Variants in SLC22A31 observed in about 807,000 individuals in gnomAD.
SLC22A31 encodes solute carrier family 22 member 31.
SLC22A31 carries 42 observed loss-of-function variants against 27.4 expected under a neutral mutation model. That is an observed-to-expected ratio of 1.53 (90% confidence interval 1.20 to 1.98). The LOEUF (loss-of-function observed/expected upper bound fraction) is 1.98. Among genes scored for constraint, SLC22A31 ranks in the 30% most tolerant of loss-of-function variants. SLC22A31 has a pLI of 0.00. For synonymous variants in SLC22A31, 290 were observed against 230.8 expected, an observed-to-expected ratio of 1.26 and a Z score of -2.33; for missense variants, 593 against 479.9, an observed-to-expected ratio of 1.24 and a Z score of -2.20.
In SLC22A31 at chr16:89,198,336, C is replaced by G; in HGVS notation, c.708G>C (p.Ser236=). The G allele has an allele frequency of 6.5e-7, 1 of 1,535,854 alleles. No homozygotes were observed. Among genetic ancestry groups the G allele is most frequent in the Non-Finnish European group, 8.7e-7 (1 of 1,146,856 alleles). Residue 236 remains serine, a splice_region_variant and synonymous_variant, in exon 7 of 9, where the codon TCG becomes TCC. Transcript: ENST00000682282. ...TAGCTCTGATGCCTCCACCAACCAG[C>G]CTGGGAGAGAGAGCAAATCTATGGG... ...WRNGLILGFS[S]LVGGGIRASF...
At position 89,198,316 on chromosome 16, in the gene SLC22A31, C is replaced by A; in HGVS notation, c.728G>T (p.Arg243Ile). 1 of 1,535,900 alleles carries A rather than the reference C, an allele frequency of 6.5e-7. No individual in the cohort carries two copies. The highest frequency in any genetic ancestry group is 8.7e-7 in the Non-Finnish European group (1 of 1,146,868). Residue 243 changes from arginine to isoleucine, a missense_variant, in exon 7 of 9, where the codon AGA (arginine) becomes ATA (isoleucine). Physicochemically the swap from Arg to Ile is moderately conservative, Grantham distance 97. Coordinates refer to ENST00000682282, the MANE Select transcript of SLC22A31 (RefSeq NM_001384763.1). ...GFSSLVGGGI[R>I]ASFRRSLAPQ... ...TGCCAGGCTGCGGCGGAAGCTAGCT[C>A]TGATGCCTCCACCAACCAGCCTGGG...
At position 89,196,082 on chromosome 16, in the gene SLC22A31, G is replaced by A. The variant is rs746123571; in HGVS notation, c.1258C>T (p.Arg420Trp). Residue 420 changes from arginine (R) to tryptophan (W), a missense_variant, in exon 9 of 9, where the codon CGG becomes TGG. Arg to Trp is a moderately radical substitution (Grantham distance 101, BLOSUM62 -3). Coordinates refer to ENST00000682282, the MANE Select transcript of SLC22A31 (RefSeq NM_001384763.1). Reference sequence around the variant, plus strand: ...AGGTGGTCCTGGCGGGGGCGGCCCCGCAGGAGTGGGGAGCGGCGCAGGCGG... The same window carrying A: ...AGGTGGTCCTGGCGGGGGCGGCCCCACAGGAGTGGGGAGCGGCGCAGGCGG... ...ADRLRRSPLL[R>W]GRPRQDHLPL... is the part of the protein sequence containing the mutation. 5.3e-5 allele frequency: 81 copies of A among 1,532,428 alleles called. No individual in the cohort carries two copies. Among genetic ancestry groups the A allele is most frequent in the South Asian group, 1.2e-4 (10 of 83,892 alleles). The allele number at this position is 1,532,428 out of a possible 1,614,324, so 94.9% of individuals were successfully genotyped here.
At chr16:89,197,485 A>T in intron 7 of SLC22A31, 76 bp from the exon 8 acceptor site, 1 of 1,048,446 alleles carries the variant, frequency 9.5e-7, no homozygotes, top group Non-Finnish European at 1.4e-6. Context: ...CCTTCCCCAG[A>T]GAACCACACC....
intron 1 of SLC22A31, 45 bp from the exon 2 acceptor site, chr16:89,199,861 C>T (rs1028003041): frequency 2.5e-6 from 1 of 401,288 alleles, no homozygotes; most frequent in Non-Finnish European, 4.4e-6. Context: ...AGGACCCTCC[C>T]CTGGGGACAG....
At chr16:89,196,419 C>A (rs1378293240) in intron 8 of SLC22A31, 114 bp from the exon 9 acceptor site, 9 of 929,686 alleles carry the variant, frequency 9.7e-6, no homozygotes, top group Middle Eastern at 3.3e-4. Context: ...GGCAGCCAGC[C>A]TCCTGGCCCA....
chr16:89,197,361 G>A lies in SLC22A31; in HGVS notation c.971C>T (p.Ala324Val). Residue 324 changes from alanine (A) to valine (V), a missense_variant, in exon 8 of 9, where the codon GCC becomes GTC. Physicochemically the swap from Ala to Val is moderately conservative, Grantham distance 64. Transcript: ENST00000682282. ...GCTGAGTGCGGACACAGCCCGGGAG[G>A]CCAGGAGCCCCAGGACAGAGAGGAA... ...VLFLSVLGLL[A>V]SRAVSALSSL... is the part of the protein sequence containing the mutation. 1 of 1,535,848 alleles carries A rather than the reference G, an allele frequency of 6.5e-7. No homozygotes were observed. Among genetic ancestry groups the A allele is most frequent in the Non-Finnish European group, 8.7e-7 (1 of 1,146,822 alleles).
intron 8 of SLC22A31, among the ~76,000 whole-genome samples, chr16:89,196,547 G>A (rs1478477616): frequency 6.6e-6 from 1 of 152,230 alleles, no homozygotes; most frequent in Non-Finnish European, 1.5e-5. Flanking sequence ...GTGAGCAGGG[G>A]GAAGGCCCGG....
chr16:89,198,367 C>A, intron 6 of SLC22A31, 31 bp from the exon 7 acceptor site: 1 of 1,534,958 alleles, frequency 6.5e-7, no homozygotes, highest in Non-Finnish European at 8.7e-7. Flanking sequence ...ATGGGCCCAG[C>A]CAGAGCCGGG....
Position 89,199,139 on chromosome 16 carries a change from G to A in SLC22A31, c.336C>T (p.Gly112=). ...GCAGGGTGCCCACCACCGAGAAAAG[G>A]CCAGCCCCCATGGAGAAGGCCAGGC... ...PHRLAFSMGA[G]LFSVVGTLLL... Residue 112 remains glycine, a synonymous_variant, in exon 4 of 9, where the codon GGC becomes GGT. Coordinates refer to ENST00000682282, the MANE Select transcript of SLC22A31 (RefSeq NM_001384763.1). The A allele has an allele frequency of 6.5e-7, 1 of 1,535,008 alleles. No individual in the cohort carries two copies.
intron 1 of SLC22A31, 190 bp from the exon 2 acceptor site, chr16:89,200,006 C>G (rs949627365): frequency 6.3e-5 from 25 of 396,092 alleles, no homozygotes; most frequent in Admixed American, 2.7e-4. Flanking sequence ...TCTCTGGTCT[C>G]CGGCAGCCCC....
chr16:89,197,810 C>G (rs1744747115), intron 7 of SLC22A31, among the ~76,000 whole-genome samples: 2 of 152,232 alleles, frequency 1.3e-5, no homozygotes, highest in African/African-American at 4.8e-5. Flanking sequence ...CCTCCCACAC[C>G]AGTCCATGGC....
Position 89,199,837 on chromosome 16 carries a change from G to A in SLC22A31, c.25-21C>T, listed in dbSNP as rs554911846. 55 of 402,064 alleles carry A rather than the reference G, an allele frequency of 1.4e-4. No homozygotes were observed. In the East Asian group the frequency reaches 1.5e-3, roughly 11 times the overall value. The allele number at this position is 402,064 out of a possible 1,614,324, so 24.9% of individuals were successfully genotyped here. A position where few individuals can be genotyped will look rare whatever the true frequency, so the allele number is the denominator to read the frequency against. On this transcript the variant is annotated intron_variant, in intron 1 of 8. Transcript: ENST00000682282. ...TTCCACTATGGGGAACAGCAGCCAC[G>A]TGGAGGCCAGCTCAGGACCCTCCCC... is the stretch of plus-strand genomic sequence containing the variant.
intron 8 of SLC22A31, among the ~76,000 whole-genome samples, chr16:89,196,741 A>T (rs992120805): frequency 6.6e-6 from 1 of 152,062 alleles, no homozygotes; most frequent in Non-Finnish European, 1.5e-5. Context: ...AGGTCAGGAG[A>T]TCGAGACCAT....
chr16:89,199,266 C>T, intron 3 of SLC22A31, 75 bp from the exon 4 acceptor site: 2 of 1,391,150 alleles, frequency 1.4e-6, no homozygotes, highest in Non-Finnish European at 1.9e-6. Flanking sequence ...CTGCGGGGAC[C>T]TATTGGTGAC....
intron 8 of SLC22A31, 49 bp from the exon 9 acceptor site, chr16:89,196,354 C>T (rs1198533013): frequency 9.9e-7 from 1 of 1,010,704 alleles, no homozygotes; most frequent in East Asian, 4.1e-5. Context: ...GCCCAGGAAC[C>T]CGGCCCCCAG....
rs537234436 is a variant in SLC22A31 at position 89,198,647 on chromosome 16, C to T, written c.598+5G>A. 27 of 1,535,006 alleles carry T rather than the reference C, an allele frequency of 1.8e-5. No individual in the cohort carries two copies. In the African/African-American group the frequency reaches 1.8e-4, roughly 10 times the overall value. ...AATCTCCCTCCTCCCTGGTAGGCGCCTGACCTGTAGCCAGGGAGTTCTCCT... is the reference window on the plus strand; with the variant it reads ...AATCTCCCTCCTCCCTGGTAGGCGCTTGACCTGTAGCCAGGGAGTTCTCCT... On this transcript the variant is annotated splice_donor_5th_base_variant and intron_variant, in intron 5 of 8. Coordinates refer to ENST00000682282, the MANE Select transcript of SLC22A31 (RefSeq NM_001384763.1).
In SLC22A31 at chr16:89,198,686, C is replaced by G. The variant is rs1310369503; in HGVS notation, c.564G>C (p.Gly188=). 6.5e-7 allele frequency: 1 copy of G among 1,535,658 alleles called. No individual in the cohort carries two copies. Among genetic ancestry groups the G allele is most frequent in the African/African-American group, 1.4e-5 (1 of 73,042 alleles). Residue 188 remains glycine (G), a synonymous_variant, in exon 5 of 9, where the codon GGG becomes GGC. Coordinates refer to ENST00000682282, the MANE Select transcript of SLC22A31 (RefSeq NM_001384763.1). ...GGGAGTTCTCCTCCAAGGAACTGTC[C>G]CCGGGGCCCACGCCACTGGCTTCTG... The part of the protein sequence containing the change: ...RFAEASGVGP[G]DSSLEENSLA...
chr16:89,199,898 G>A, intron 1 of SLC22A31, 82 bp from the exon 2 acceptor site: 1 of 400,790 alleles, frequency 2.5e-6, no homozygotes, highest in African/African-American at 2.0e-5. Context: ...AATGGCTACT[G>A]GAAGGGGCCC....
Position 89,197,307 on chromosome 16 carries a change from G to A in SLC22A31, c.1025C>T (p.Thr342Met), listed in dbSNP as rs190309297. 45 of 1,535,586 alleles carry A rather than the reference G, an allele frequency of 2.9e-5. No homozygotes were observed. The highest frequency in any genetic ancestry group is 1.7e-4 in the East Asian group (7 of 40,906). Residue 342 changes from threonine (T) to methionine (M), a missense_variant, in exon 8 of 9, where the codon ACG (threonine) becomes ATG (methionine). Thr to Met is a moderately conservative substitution (Grantham distance 81). Transcript: ENST00000682282. ...SSLFAAEVFP[T>M]VIRGAGLGLV... ...CAACCCTGAAGCTCACCTGATCACC[G>A]TGGGGAAGACCTCGGCCGCGAAGAG...
Sources: gnomAD v4.1 joint callset for allele counts (sites outside exome capture counted in the v4.1 genomes callset) on GRCh38, gnomAD v4.1.1 for gene constraint, MANE v1.5 for transcripts, NCBI Gene and HGNC (gene_info 2026-07-23, HGNC 2026-07-21) for gene names.